The following WHRN variants were observed in gnomAD, a reference collection of about 807,000 sequenced individuals.
The protein encoded by WHRN is CASK-interacting protein CIP98.
In WHRN, 41 loss-of-function variants were observed where a neutral mutation model predicts 68.3. That is an observed-to-expected ratio of 0.60 (90% CI 0.47 to 0.78). The LOEUF is 0.78. Among genes scored for constraint, WHRN ranks in the 30% least tolerant of loss-of-function variants. The pLI is 0.00. For synonymous variants in WHRN, 560 were observed against 561.3 expected (o/e 1.00, Z 0.03); for missense variants, 1,243 against 1,244.7 (o/e 1.00, Z 0.02).
chr9:114,469,607 G>A (rs1841025185), intron 2 of WHRN, among the ~76,000 whole-genome samples: 1 of 152,166 alleles, frequency 6.6e-6, no homozygotes, highest in African/African-American at 2.4e-5. Flanking sequence ...CACCTCTGCA[G>A]GCCATCCCAG....
chr9:114,424,126 G>A (rs1836575843), intron 6 of WHRN, among the ~76,000 whole-genome samples: 1 of 152,190 alleles, frequency 6.6e-6, no homozygotes, highest in African/African-American at 2.4e-5. Context: ...ACTGCGACAG[G>A]GACCCAATCA....
chr9:114,427,270 C>T (rs1836963495), intron 3 of WHRN, among the ~76,000 whole-genome samples: 1 of 152,178 alleles, frequency 6.6e-6, no homozygotes, highest in Non-Finnish European at 1.5e-5. Context: ...TACAAAAATA[C>T]TTTTAATGAA....
At chr9:114,452,762 C>T (rs1368043708) in intron 3 of WHRN, among the ~76,000 whole-genome samples, 2 of 152,188 alleles carry the variant, frequency 1.3e-5, no homozygotes, top group African/African-American at 2.4e-5. Context: ...TTCAGCTCCT[C>T]CCTGATGGAG....
intron 2 of WHRN, among the ~76,000 whole-genome samples, chr9:114,468,476 G>A (rs1206370229): frequency 6.6e-6 from 1 of 152,094 alleles, no homozygotes; most frequent in African/African-American, 2.4e-5. Context: ...CCTACTGGTT[G>A]CCAAATGATG....
chr9:114,460,383 AGT>A, intron 3 of WHRN, among the ~76,000 whole-genome samples: 1 of 152,238 alleles, frequency 6.6e-6, no homozygotes, highest in South Asian at 2.1e-4. Flanking sequence ...ATGAAATAAA[AGT>A]GTATCTAATG....
rs371837109 is a variant in WHRN, at chr9:114,468,167, A to C, written c.838-1775T>G. On this transcript the variant is annotated intron_variant, in intron 2 of 11. Coordinates refer to ENST00000362057, the MANE Select transcript of WHRN (RefSeq NM_015404.4). ...TCCTCACCTGAAAATGAGGACAATAATATCTGCCTGTCTTATAAGGTTACC... is the reference window on the plus strand; with the variant it reads ...TCCTCACCTGAAAATGAGGACAATACTATCTGCCTGTCTTATAAGGTTACC... Among the ~76,000 whole-genome samples the C allele has an allele frequency of 1.1e-3, 165 of 152,246 alleles. 6 individuals carry two copies. The South Asian group carries it at 0.032, about 30-fold the overall frequency.
intron 1 of WHRN, chr9:114,503,725 C>G (rs935133147): frequency 1.1e-5 from 2 of 182,058 alleles, no homozygotes; most frequent in Admixed American, 5.4e-5. Flanking sequence ...CAGCGTCAAG[C>G]CAGTGCACTG....
At chr9:114,433,593 G>A (rs1234877469) in intron 3 of WHRN, among the ~76,000 whole-genome samples, 1 of 151,242 alleles carries the variant, frequency 6.6e-6, no homozygotes, top group Non-Finnish European at 1.5e-5. Flanking sequence ...TTAATGGGCT[G>A]TTTTTTTTTC....
At chr9:114,423,593 C>T (rs532090747) in intron 6 of WHRN, 70 bp from the exon 7 acceptor site, 46 of 1,445,324 alleles carry the variant, frequency 3.2e-5, no homozygotes, top group Non-Finnish European at 4.2e-5. Flanking sequence ...GCCCTGCTAC[C>T]CCCAAAGGAC....
intron 2 of WHRN, among the ~76,000 whole-genome samples, chr9:114,474,641 C>T (rs1215265157): frequency 1.3e-5 from 2 of 152,176 alleles, no homozygotes; most frequent in African/African-American, 4.8e-5. Context: ...TCCAGGAAGC[C>T]TTCCCCAATT....
intron 3 of WHRN, among the ~76,000 whole-genome samples, chr9:114,451,062 CAT>C (rs575197676): frequency 1.1e-4 from 17 of 152,186 alleles, no homozygotes; most frequent in Non-Finnish European, 2.1e-4. Context: ...CAGGTACAAA[CAT>C]GTGTACAGGC....
Position 114,403,929 on chromosome 9 carries a change from C to T in WHRN, c.2385G>A (p.Arg795=). 6.2e-7 allele frequency: 1 copy of T among 1,611,124 alleles called. No homozygotes were observed. The highest frequency in any genetic ancestry group is 8.5e-7 in the Non-Finnish European group (1 of 1,180,000). The change falls in exon 10 of 12, where the codon CGG becomes CGA. Residue 795 remains arginine (R), a synonymous_variant. Coordinates refer to ENST00000362057, the MANE Select transcript of WHRN (RefSeq NM_015404.4). ...TGGCCCCATCTGTGGGCCTCTCGTT[C>T]CGAGGCAGCTCCTTGCTACTCCTGC... ...TKSRSSKELP[R]NERPTDGANK...
rs550033249 is a variant in WHRN at position 114,431,886 on chromosome 9, C to T, written c.964-5473G>A. Among the ~76,000 whole-genome samples the T allele has an allele frequency of 1.8e-4, 27 of 152,244 alleles. 1 individual carries two copies. The South Asian group carries it at 5.4e-3, about 30-fold the overall frequency. On this transcript the variant is annotated intron_variant, in intron 3 of 11. Transcript: ENST00000362057. ...GCCACAGAGCAAGGCAACAGCAAAG[C>T]CCAGACCCACAGCTAACCGTGGAAA...
chr9:114,505,070 G>A lies in WHRN; in HGVS notation c.-269C>T, dbSNP rs551952938. The stretch of plus-strand genomic sequence containing the variant: ...CGGGTTCCTGAGAGACACAAGAGTT[G>A]GCTGCTGGAGCCCGGAGGTGGCGGA... On this transcript the variant is annotated 5_prime_UTR_variant, in exon 1 of 12. Coordinates refer to ENST00000362057, the MANE Select transcript of WHRN (RefSeq NM_015404.4). The A allele has an allele frequency of 1.4e-4, 59 of 417,608 alleles. No individual in the cohort carries two copies. In the East Asian group the frequency reaches 2.3e-3, roughly 16 times the overall value. 25.9% of individuals were successfully genotyped at this position (417,608 alleles called of 1,614,324 possible).
chr9:114,436,737 G>C (rs944933184), intron 3 of WHRN, among the ~76,000 whole-genome samples: 7 of 152,102 alleles, frequency 4.6e-5, no homozygotes, highest in African/African-American at 1.7e-4. Context: ...GCTGAGGCAG[G>C]AGAATGGCTT....
At position 114,504,909 on chromosome 9, in the gene WHRN, G is replaced by T. The variant is rs1844276295; in HGVS notation, c.-108C>A. The T allele has an allele frequency of 1.5e-6, 2 of 1,317,558 alleles. No individual in the cohort carries two copies. The highest frequency in any genetic ancestry group is 4.3e-5 in the South Asian group (2 of 46,626). 81.6% of individuals were successfully genotyped at this position (1,317,558 alleles called of 1,614,324 possible). On this transcript the variant is annotated 5_prime_UTR_variant, in exon 1 of 12. Coordinates refer to ENST00000362057, the MANE Select transcript of WHRN (RefSeq NM_015404.4). Reference sequence around the variant, plus strand: ...GGATCCCCGGGAGCGCGGAGACGACGGCTGGAGCCTGGGTTTGGGGAGCAC... The same window carrying T: ...GGATCCCCGGGAGCGCGGAGACGACTGCTGGAGCCTGGGTTTGGGGAGCAC...
chr9:114,433,500 A>T (rs1837592220), intron 3 of WHRN, among the ~76,000 whole-genome samples: 1 of 152,252 alleles, frequency 6.6e-6, no homozygotes, highest in Non-Finnish European at 1.5e-5. Flanking sequence ...CTACAGCATT[A>T]TCACAAGGAA....
chr9:114,448,033 C>T (rs1838987756), intron 3 of WHRN, among the ~76,000 whole-genome samples: 1 of 152,150 alleles, frequency 6.6e-6, no homozygotes, highest in Non-Finnish European at 1.5e-5. Flanking sequence ...CCTGTCATGC[C>T]ATCACAGAGT....
intron 4 of WHRN, chr9:114,425,646 G>GAC (rs1836781780): frequency 5.7e-5 from 12 of 212,082 alleles, no homozygotes; most frequent in African/African-American, 2.3e-4. Flanking sequence ...GACACAGACA[G>GAC]ACAGACAGAC....
Sources: gnomAD v4.1 joint callset for allele counts (sites outside exome capture counted in the v4.1 genomes callset) on GRCh38, gnomAD v4.1.1 for gene constraint, MANE v1.5 for transcripts, NCBI Gene and HGNC (gene_info 2026-07-23, HGNC 2026-07-21) for gene names.